The following SPIN2A variants were observed in gnomAD, a reference collection of about 807,000 sequenced individuals.
SPIN2A encodes spindlin-2A.
In SPIN2A, 4 loss-of-function variants were observed where a neutral mutation model predicts 9.2. The ratio of observed to expected loss-of-function variants is 0.44; its 90% confidence interval spans 0.21 to 1.00. The LOEUF (loss-of-function observed/expected upper bound fraction) is 1.00. Ranked by LOEUF, SPIN2A falls within the 50% of genes least tolerant of loss-of-function variation. The pLI, the probability that SPIN2A is intolerant of heterozygous loss-of-function variation, is 0.26. For missense variants in SPIN2A, 77 were observed against 172.8 expected (o/e 0.45, Z 3.11); for synonymous variants, 25 against 61.2 (o/e 0.41, Z 2.76).
the SPIN2A span, among the ~76,000 whole-genome samples, chrX:57,144,669 C>G: frequency 9.1e-6 from 1 of 110,325 alleles, no homozygotes; most frequent in East Asian, 2.8e-4. Context: ...TCCCTCAGCC[C>G]TCCCTCTCAT....
At chrX:57,145,727 T>C in the SPIN2A span, among the ~76,000 whole-genome samples, 1 of 112,193 alleles carries the variant, frequency 8.9e-6, no homozygotes, top group Admixed American at 9.5e-5. Flanking sequence ...CTTGACTTGA[T>C]TTTTGTATAA....
chrX:57,137,928 A>G (rs1041791044), upstream of SPIN2A, among the ~76,000 whole-genome samples: 4 of 111,743 alleles, frequency 3.6e-5, no homozygotes, highest in African/African-American at 1.3e-4. Flanking sequence ...TTCTGTGTAC[A>G]GTTCCAGAAA....
upstream of SPIN2A, among the ~76,000 whole-genome samples, chrX:57,138,224 TAC>T (rs1927893870): frequency 9.0e-6 from 1 of 111,702 alleles, no homozygotes; most frequent in African/African-American, 3.3e-5. Context: ...TTTTGTGAGT[TAC>T]AGTTTTTCAC....
In SPIN2A at chrX:57,135,794, C is replaced by A. The variant is rs1483497813; in HGVS notation, c.*27G>T. ...TCTACAAATTATACATTTGTTTCCA[C>A]ACATGTGCCAAATTTTACCCTAACA... On this transcript the variant is annotated 3_prime_UTR_variant, in exon 2 of 2. Transcript: ENST00000374906. 8.6e-7 allele frequency: 1 copy of A among 1,164,964 alleles called. No individual in the cohort carries two copies. Among genetic ancestry groups the A allele is most frequent in the Non-Finnish European group, 1.1e-6 (1 of 874,176 alleles).
chrX:57,137,496 T>C (rs1371078882), upstream of SPIN2A: 9 of 204,603 alleles, frequency 4.4e-5, no homozygotes, highest in Non-Finnish European at 6.5e-5. Flanking sequence ...CAGTCCCTGA[T>C]GCAGTGGCTG....
upstream of SPIN2A, among the ~76,000 whole-genome samples, chrX:57,140,224 C>T (rs925739673): frequency 4.6e-5 from 5 of 109,771 alleles, no homozygotes; most frequent in South Asian, 7.7e-4. Flanking sequence ...AGTTACAGTT[C>T]GTTTTTGGTG....
downstream of SPIN2A, chrX:57,134,600 A>T (rs1927623007): frequency 9.0e-6 from 1 of 111,457 alleles, no homozygotes; most frequent in Non-Finnish European, 1.9e-5. Flanking sequence ...ATTCCAGCAG[A>T]AGGAATAGGA....
chrX:57,134,759 T>A (rs775782975), downstream of SPIN2A: 7 of 111,782 alleles, frequency 6.3e-5, no homozygotes, highest in African/African-American at 2.3e-4. Context: ...AGGACAAATG[T>A]GAGGAGGCAG....
At position 57,136,429 on chromosome X, in the gene SPIN2A, C is replaced by T. The variant is rs1186592421; in HGVS notation, c.169G>A (p.Gly57Arg). The change falls in exon 2 of 2, where the codon GGA becomes AGA. Residue 57 changes from glycine to arginine, a missense_variant. Gly to Arg is a moderately radical substitution (Grantham distance 125). This residue lies in a region of SPIN2A where 17 missense variants were observed against 73.2 expected (regional missense o/e 0.23). Transcript: ENST00000374906. ...RNIVGCRISH[G>R]WKEGDEPITQ... ...ATGGGCTCATCTCCTTCCTTCCATC[C>T]ATGAGAAATTCTGCAGCCCACGATG... The T allele has an allele frequency of 1.2e-5, 9 of 742,835 alleles. No individual in the cohort carries two copies. The highest frequency in any genetic ancestry group is 1.7e-5 in the Non-Finnish European group (9 of 529,524). The allele number at this position is 742,835 out of a possible 1,213,427, so 61.2% of individuals were successfully genotyped here.
chrX:57,144,211 G>T, the SPIN2A span, among the ~76,000 whole-genome samples: 31 of 111,186 alleles, frequency 2.8e-4, no homozygotes, highest in African/African-American at 7.8e-4. Context: ...ATGTTATTTG[G>T]TTTTTTCTTT....
chrX:57,143,836 A>T, the SPIN2A span, among the ~76,000 whole-genome samples: 1 of 111,790 alleles, frequency 8.9e-6, no homozygotes, highest in Admixed American at 9.5e-5. Flanking sequence ...TAAGTGGTTT[A>T]TATACAAGTA....
At chrX:57,134,552 G>A (rs1602019983), downstream of SPIN2A, 4 of 111,746 alleles carry the variant, frequency 3.6e-5, no homozygotes, top group East Asian at 1.1e-3. Flanking sequence ...ACTAGGCTCA[G>A]TCCTCTGATG....
upstream of SPIN2A, among the ~76,000 whole-genome samples, chrX:57,140,417 C>CAAAAAAAAAAAAAA (rs60570721): frequency 7.7e-5 from 5 of 64,826 alleles, no homozygotes; most frequent in African/African-American, 3.3e-4. Context: ...CCATCTCTAC[C>CAAAAAAAAAAAAAA]AAAAAAAAAA....
chrX:57,137,427 C>G, upstream of SPIN2A: 1 of 694,087 alleles, frequency 1.4e-6, no homozygotes, highest in African/African-American at 2.3e-5. Flanking sequence ...GCGCTTCGCT[C>G]GCTGGCCGTC....
chrX:57,146,728 A>G, the SPIN2A span, among the ~76,000 whole-genome samples: 6 of 112,069 alleles, frequency 5.4e-5, no homozygotes, highest in Admixed American at 1.9e-4. Flanking sequence ...TATTACATTC[A>G]GGTATGTCTC....
the SPIN2A span, among the ~76,000 whole-genome samples, chrX:57,145,977 G>A: frequency 6.3e-5 from 7 of 110,424 alleles, no homozygotes; most frequent in Non-Finnish European, 1.3e-4. Context: ...AGTATAGTTT[G>A]AAGTTGGGTA....
At chrX:57,134,907 C>T (rs1479371165), downstream of SPIN2A, 3 of 111,932 alleles carry the variant, frequency 2.7e-5, no homozygotes, top group Non-Finnish European at 5.6e-5. Context: ...ATTAACTTGA[C>T]TGAGTCATTC....
intron 1 of SPIN2A, chrX:57,136,998 T>C (rs1179610502): frequency 1.2e-6 from 1 of 864,774 alleles, no homozygotes; most frequent in Non-Finnish European, 1.4e-6. Context: ...CCCCACTGCC[T>C]ATCCTAACCA....
At chrX:57,145,772 A>G in the SPIN2A span, among the ~76,000 whole-genome samples, 1 of 111,838 alleles carries the variant, frequency 8.9e-6, no homozygotes, top group Non-Finnish European at 1.9e-5. Flanking sequence ...ATTCTCCTAC[A>G]TGTGGCTTGC....
Sources: gnomAD v4.1 joint callset for allele counts (sites outside exome capture counted in the v4.1 genomes callset) on GRCh38, gnomAD v4.1.1 for gene constraint, gnomAD v4.1.1 regional missense constraint, MANE v1.5 for transcripts, NCBI Gene and HGNC (gene_info 2026-07-23, HGNC 2026-07-21) for gene names.